Variants in ACCSL observed in about 807,000 individuals in gnomAD.
ACCSL encodes 1-aminocyclopropane-1-carboxylate synthase homolog (inactive) like, also known as probable inactive 1-aminocyclopropane-1-carboxylate synthase-like protein 2.
In ACCSL, 55 loss-of-function variants were observed where a neutral mutation model predicts 61.7. That is an observed-to-expected ratio of 0.89 (90% confidence interval 0.72 to 1.12). ACCSL has a LOEUF of 1.12. ACCSL is among the 50% of genes most tolerant of loss of function. The pLI, the probability that ACCSL is intolerant of heterozygous loss-of-function variation, is 0.00. For missense variants in ACCSL, 632 were observed against 698.0 expected (o/e 0.91, Z 1.07); for synonymous variants, 258 against 264.3 (o/e 0.98, Z 0.23).
the ACCSL span, among the ~76,000 whole-genome samples, chr11:43,952,291 T>G: frequency 1.3e-5 from 2 of 152,188 alleles, no homozygotes; most frequent in African/African-American, 4.8e-5. Flanking sequence ...GTACTCAATG[T>G]TTAGTGCTCG....
the ACCSL span, chr11:43,942,410 C>A: frequency 1.5e-5 from 3 of 206,090 alleles, no homozygotes; most frequent in African/African-American, 2.4e-5. Context: ...GCTCCGGGGC[C>A]GCGGCTTCTC....
the ACCSL span, among the ~76,000 whole-genome samples, chr11:43,925,993 C>T: frequency 6.6e-6 from 1 of 152,206 alleles, no homozygotes; most frequent in Non-Finnish European, 1.5e-5. Context: ...CTGTGGCTGA[C>T]GGATGGCCCT....
the ACCSL span, among the ~76,000 whole-genome samples, chr11:43,930,327 G>A: frequency 6.6e-6 from 1 of 152,160 alleles, no homozygotes; most frequent in African/African-American, 2.4e-5. Context: ...AAATGTAGGG[G>A]TTGAGCCATG....
At chr11:43,946,807 G>A in the ACCSL span, among the ~76,000 whole-genome samples, 4 of 152,124 alleles carry the variant, frequency 2.6e-5, no homozygotes, top group East Asian at 1.9e-4. Flanking sequence ...GATAGAAGCC[G>A]TGTCCCAGAG....
the ACCSL span, among the ~76,000 whole-genome samples, chr11:43,982,162 T>C: frequency 1.3e-5 from 2 of 151,332 alleles, no homozygotes; most frequent in African/African-American, 4.9e-5. Context: ...ATCCTGCCCT[T>C]CATCTCCCTC....
At chr11:44,032,206 C>A in the ACCSL span, among the ~76,000 whole-genome samples, 1 of 152,164 alleles carries the variant, frequency 6.6e-6, no homozygotes, top group Non-Finnish European at 1.5e-5. Flanking sequence ...CTAATGGGTG[C>A]TTTGCTGGGG....
the ACCSL span, among the ~76,000 whole-genome samples, chr11:43,946,899 G>A: frequency 5.3e-5 from 8 of 152,274 alleles, no homozygotes; most frequent in South Asian, 1.7e-3. Flanking sequence ...TGGGCTACAT[G>A]GGGGTTGCTC....
intron 8 of ACCSL, among the ~76,000 whole-genome samples, chr11:44,054,030 A>G (rs983048790): frequency 1.1e-4 from 17 of 152,210 alleles, no homozygotes; most frequent in African/African-American, 4.1e-4. Flanking sequence ...TATAACAGTC[A>G]AAATATAGTT....
chr11:44,048,530 A>G lies in ACCSL; in HGVS notation c.494A>G (p.Lys165Arg), dbSNP rs1952615452. 1.6e-6 allele frequency: 2 copies of G among 1,231,428 alleles called. No individual in the cohort carries two copies. The highest frequency in any genetic ancestry group is 2.1e-6 in the Non-Finnish European group (2 of 945,634). The allele number at this position is 1,231,428 out of a possible 1,614,324, so 76.3% of individuals were successfully genotyped here. The change falls in exon 1 of 14, where the codon AAG (lysine) becomes AGG (arginine). Residue 165 changes from lysine to arginine, a missense_variant. By Grantham distance (26) the Lys-to-Arg change is conservative. Coordinates refer to ENST00000378832, the MANE Select transcript of ACCSL (RefSeq NM_001031854.2). ...CAAAAAGATAAATATCATAAGGACA[A>G]GAACACCTTGGTGAGAATTTGGGGT... ...AYQKDKYHKD[K>R]NTLGFINLGT...
At chr11:44,036,599 T>C in the ACCSL span, among the ~76,000 whole-genome samples, 15 of 151,752 alleles carry the variant, frequency 9.9e-5, no homozygotes, top group African/African-American at 3.4e-4. Context: ...CTGGCCAACA[T>C]GGCAAAACCC....
At chr11:44,032,176 G>T in the ACCSL span, among the ~76,000 whole-genome samples, 2 of 152,214 alleles carry the variant, frequency 1.3e-5, no homozygotes, top group African/African-American at 4.8e-5. Flanking sequence ...CATTGCCAAG[G>T]TTGCTTATGT....
At chr11:44,040,948 A>G in the ACCSL span, among the ~76,000 whole-genome samples, 1 of 152,134 alleles carries the variant, frequency 6.6e-6, no homozygotes, top group Non-Finnish European at 1.5e-5. Flanking sequence ...TCCACGTCCT[A>G]CTCGTACCAT....
the ACCSL span, among the ~76,000 whole-genome samples, chr11:43,998,674 A>C: frequency 6.6e-6 from 1 of 151,656 alleles, no homozygotes; most frequent in Admixed American, 6.6e-5. Flanking sequence ...TCATTCATTC[A>C]CTTCTTCATA....
chr11:43,935,415 C>T, the ACCSL span, among the ~76,000 whole-genome samples: 1 of 152,174 alleles, frequency 6.6e-6, no homozygotes, highest in Non-Finnish European at 1.5e-5. Flanking sequence ...CAGTGAGCAC[C>T]AATTTCAGAG....
the ACCSL span, among the ~76,000 whole-genome samples, chr11:43,936,882 C>G: frequency 1.3e-5 from 2 of 151,946 alleles, no homozygotes; most frequent in Admixed American, 6.5e-5. Flanking sequence ...ATTTCCCCAC[C>G]CCCCCCTCCT....
At chr11:43,921,162 T>A in the ACCSL span, 1 of 152,144 alleles carries the variant, frequency 6.6e-6, no homozygotes, top group Non-Finnish European at 1.5e-5. Context: ...TGTCTGCCAG[T>A]GGGGGAAAGG....
the ACCSL span, among the ~76,000 whole-genome samples, chr11:43,993,410 T>A: frequency 6.6e-6 from 1 of 151,810 alleles, no homozygotes; most frequent in Non-Finnish European, 1.5e-5. Context: ...TCCTCTTCCT[T>A]CTCCAGAAGT....
the ACCSL span, among the ~76,000 whole-genome samples, chr11:43,973,452 ATC>A: frequency 7.1e-6 from 1 of 140,142 alleles, no homozygotes; most frequent in East Asian, 2.0e-4. Context: ...CTATCTATCT[ATC>A]TATCTATCTC....
At chr11:43,978,944 G>A in the ACCSL span, among the ~76,000 whole-genome samples, 1 of 152,086 alleles carries the variant, frequency 6.6e-6, no homozygotes, top group Non-Finnish European at 1.5e-5. Context: ...GGGAGAGGCT[G>A]TGATTGGGGT....
Sources: gnomAD v4.1 joint callset for allele counts (sites outside exome capture counted in the v4.1 genomes callset) on GRCh38, gnomAD v4.1.1 for gene constraint, MANE v1.5 for transcripts, NCBI Gene and HGNC (gene_info 2026-07-23, HGNC 2026-07-21) for gene names.